Variants in TLE4 observed in about 807,000 individuals in gnomAD.
TLE4 encodes transducin-like enhancer protein 4.
A neutral mutation model predicts 92.8 loss-of-function variants in TLE4; 8 were observed. The ratio of observed to expected loss-of-function variants is 0.09; its 90% CI spans 0.05 to 0.16. TLE4 has a LOEUF of 0.16. Ranked by LOEUF, TLE4 falls within the 10% of genes least tolerant of loss-of-function variation. The pLI is 1.00. For missense variants in TLE4, 675 were observed against 997.6 expected, an observed-to-expected ratio of 0.68 and a Z score of 4.36; for synonymous variants, 371 against 374.1, an observed-to-expected ratio of 0.99 and a Z score of 0.10.
intron 6 of TLE4, among the ~76,000 whole-genome samples, chr9:79,642,034 G>C (rs72734305): frequency 0.07 from 10,550 of 151,336 alleles, 480 homozygotes; most frequent in Middle Eastern, 0.1. Context: ...GGTAAACTTT[G>C]TTAATTTACA....
chr9:79,612,571 T>C, intron 4 of TLE4, 85 bp from the exon 5 acceptor site: 1 of 1,218,662 alleles, frequency 8.2e-7, no homozygotes, highest in African/African-American at 1.5e-5. Flanking sequence ...TAAAGTATGT[T>C]TTAATATCAT....
At chr9:79,577,443 C>T (rs2791567) in intron 4 of TLE4, among the ~76,000 whole-genome samples, 38,219 of 152,030 alleles carry the variant, frequency 0.25, 5,725 homozygotes, top group African/African-American at 0.42. Context: ...TCAATATTAG[C>T]ATTATAGTAT....
chr9:79,714,753 T>G (rs766384940), intron 14 of TLE4, among the ~76,000 whole-genome samples: 2 of 152,260 alleles, frequency 1.3e-5, no homozygotes, highest in Non-Finnish European at 2.9e-5. Context: ...CCTAGTTTTG[T>G]ATCCTTAGCA....
At chr9:79,577,539 TAAAC>T (rs1473285425) in intron 4 of TLE4, among the ~76,000 whole-genome samples, 1 of 152,222 alleles carries the variant, frequency 6.6e-6, no homozygotes, top group Non-Finnish European at 1.5e-5. Context: ...ATCTTCTGCT[TAAAC>T]AAAATCTGTT....
chr9:79,627,621 T>G, intron 6 of TLE4, 173 bp downstream of exon 6: 1 of 640,048 alleles, frequency 1.6e-6, no homozygotes, highest in Non-Finnish European at 2.8e-6. Flanking sequence ...CTTAGAAACT[T>G]TGGATCACAT....
chr9:79,677,368 T>A (rs927580786), intron 8 of TLE4, among the ~76,000 whole-genome samples: 3 of 152,168 alleles, frequency 2.0e-5, no homozygotes, highest in Non-Finnish European at 2.9e-5. Flanking sequence ...ACAGAAGTAA[T>A]AATAAGCAGA....
chr9:79,592,943 C>T (rs1029944708), intron 4 of TLE4, among the ~76,000 whole-genome samples: 1 of 152,198 alleles, frequency 6.6e-6, no homozygotes, highest in African/African-American at 2.4e-5. Context: ...CCCTGATGAG[C>T]TAAACACTGA....
intron 8 of TLE4, among the ~76,000 whole-genome samples, chr9:79,699,174 C>T (rs527542188): frequency 7.2e-5 from 11 of 152,242 alleles, no homozygotes; most frequent in African/African-American, 2.6e-4. Flanking sequence ...ACTATAGAGT[C>T]ACCAGTGTTC....
At chr9:79,590,190 G>A (rs1587777904) in intron 4 of TLE4, among the ~76,000 whole-genome samples, 1 of 152,190 alleles carries the variant, frequency 6.6e-6, no homozygotes, top group South Asian at 2.1e-4. Flanking sequence ...TCAACCTAAA[G>A]TGGCTAGTGA....
chr9:79,585,073 T>C (rs1416805710), intron 4 of TLE4, among the ~76,000 whole-genome samples: 1 of 152,198 alleles, frequency 6.6e-6, no homozygotes, highest in Non-Finnish European at 1.5e-5. Context: ...CAGTAAAAAA[T>C]GCAAGGTTTT....
intron 8 of TLE4, among the ~76,000 whole-genome samples, chr9:79,682,621 A>G (rs1588194655): frequency 1.3e-5 from 2 of 152,212 alleles, no homozygotes; most frequent in Admixed American, 1.3e-4. Context: ...CCAGTCAGCC[A>G]GCAATTTCCT....
chr9:79,615,958 G>C (rs1362139292), intron 5 of TLE4, among the ~76,000 whole-genome samples: 2 of 152,144 alleles, frequency 1.3e-5, no homozygotes, highest in East Asian at 3.8e-4. Flanking sequence ...AATTTCACAG[G>C]ATTCTCAATA....
At chr9:79,659,274 A>G (rs2060196767) in intron 8 of TLE4, among the ~76,000 whole-genome samples, 1 of 152,234 alleles carries the variant, frequency 6.6e-6, no homozygotes, top group African/African-American at 2.4e-5. Flanking sequence ...CCCAGCAACT[A>G]GGTACAAGAG....
intron 14 of TLE4, among the ~76,000 whole-genome samples, chr9:79,717,424 C>T (rs1026132602): frequency 1.3e-5 from 2 of 152,180 alleles, no homozygotes; most frequent in African/African-American, 2.4e-5. Flanking sequence ...TTCCTAGCTT[C>T]CCACCTCCTT....
At chr9:79,586,865 A>G (rs2041236251) in intron 4 of TLE4, among the ~76,000 whole-genome samples, 1 of 152,196 alleles carries the variant, frequency 6.6e-6, no homozygotes, top group Non-Finnish European at 1.5e-5. Flanking sequence ...GGGGTAAATG[A>G]ACTATTTTGA....
chr9:79,584,141 G>T (rs1381093384), intron 4 of TLE4, among the ~76,000 whole-genome samples: 1 of 152,194 alleles, frequency 6.6e-6, no homozygotes, highest in East Asian at 1.9e-4. Context: ...CCCTTCCAGG[G>T]CTCCCTTCGC....
chr9:79,620,016 T>A (rs62569299), intron 5 of TLE4, among the ~76,000 whole-genome samples: 2 of 152,192 alleles, frequency 1.3e-5, no homozygotes, highest in African/African-American at 4.8e-5. Context: ...CTGTTTGACC[T>A]CAAGAAGTGA....
At chr9:79,628,834 A>C (rs921614111) in intron 6 of TLE4, among the ~76,000 whole-genome samples, 2 of 151,828 alleles carry the variant, frequency 1.3e-5, no homozygotes, top group Non-Finnish European at 2.9e-5. Context: ...GCAGTATATT[A>C]AATTTTTAAA....
chr9:79,595,297 A>T (rs934700109), intron 4 of TLE4, among the ~76,000 whole-genome samples: 2 of 152,238 alleles, frequency 1.3e-5, no homozygotes, highest in African/African-American at 4.8e-5. Flanking sequence ...TGACACTCAG[A>T]GAGTGGTCCA....
Sources: allele counts gnomAD v4.1 joint callset (sites outside exome capture counted in the v4.1 genomes callset), GRCh38; gene constraint gnomAD v4.1.1; transcripts MANE v1.5; gene names NCBI Gene and HGNC (gene_info 2026-07-23, HGNC 2026-07-21).